Variants in PEX5L observed in about 807,000 individuals in gnomAD.
PEX5L encodes the protein PEX5-related protein.
Under a neutral mutation model 84.0 loss-of-function variants are expected in PEX5L, and 30 were observed. That is an observed-to-expected ratio of 0.36 (90% CI 0.27 to 0.48). PEX5L has a LOEUF of 0.48. Among genes scored for constraint, PEX5L ranks in the 20% least tolerant of loss-of-function variants. The pLI is 0.99. For synonymous variants in PEX5L, 270 were observed against 283.1 expected (o/e 0.95, Z 0.46); for missense variants, 533 against 754.6 (o/e 0.71, Z 3.44).
intron 7 of PEX5L, among the ~76,000 whole-genome samples, chr3:179,865,887 T>C (rs570364561): frequency 1.6e-4 from 25 of 152,330 alleles, no homozygotes; most frequent in Non-Finnish European, 3.2e-4. Context: ...ATTGGCATTA[T>C]GTGTATATAG....
intron 2 of PEX5L, among the ~76,000 whole-genome samples, chr3:179,961,923 A>G (rs2110109055): frequency 6.6e-6 from 1 of 152,344 alleles, no homozygotes; most frequent in East Asian, 1.9e-4. Context: ...GAGATGATAA[A>G]CTGAACCAGG....
At position 179,801,361 on chromosome 3, in the gene PEX5L, T is replaced by C. The variant is rs1356400596; in HGVS notation, c.*467A>G. 2 of 159,714 alleles carry C rather than the reference T, an allele frequency of 1.3e-5. No individual in the cohort carries two copies. Among genetic ancestry groups the C allele is most frequent in the East Asian group, 1.8e-4 (1 of 5,696 alleles). 9.9% of individuals were successfully genotyped at this position (159,714 alleles called of 1,614,324 possible). On this transcript the variant is annotated 3_prime_UTR_variant, in exon 15 of 15. Transcript: ENST00000467460. ...CTGTCTTTAGTCACAAGTTAATATA[T>C]GTGCATGCACCAATGGCCCAAACTA...
intron 1 of PEX5L, among the ~76,000 whole-genome samples, chr3:180,027,372 CA>C (rs1280469081): frequency 1.3e-5 from 2 of 152,172 alleles, no homozygotes; most frequent in Non-Finnish European, 2.9e-5. Context: ...CTTAAGCTTA[CA>C]GAAAAATTAC....
At position 179,878,861 on chromosome 3, in the gene PEX5L, A is replaced by G. The variant is rs1457201877; in HGVS notation, c.505+1068T>C. 9.2e-5 allele frequency among the ~76,000 whole-genome samples: 14 copies of G among 152,182 alleles called. 1 individual carries two copies. Among genetic ancestry groups the G allele is most frequent in the Admixed American group, 9.2e-4 (14 of 15,280 alleles). On this transcript the variant is annotated intron_variant, in intron 5 of 14. Coordinates refer to ENST00000467460, the MANE Select transcript of PEX5L (RefSeq NM_016559.3). ...TTAATCATTTTTCTATCTCCCTACTAGACTGTAAATTTGCTAAGGCACAGA... is the reference window on the plus strand; with the variant it reads ...TTAATCATTTTTCTATCTCCCTACTGGACTGTAAATTTGCTAAGGCACAGA...
Position 179,912,686 on chromosome 3 carries a change from C to A in PEX5L, c.94-14440G>T, listed in dbSNP as rs528122278. 8.5e-5 allele frequency among the ~76,000 whole-genome samples: 13 copies of A among 152,138 alleles called. No individual in the cohort carries two copies. The South Asian group carries it at 2.7e-3, about 32-fold the overall frequency. On this transcript the variant is annotated intron_variant, in intron 2 of 14. Coordinates refer to ENST00000467460, the MANE Select transcript of PEX5L (RefSeq NM_016559.3). ...TTAGAATTGGTCGAATCTCCACTCC[C>A]CTATTAACAATATCACAATATTTTC...
Position 179,801,783 on chromosome 3 carries a change from C to T in PEX5L, c.*45G>A, listed in dbSNP as rs751442481. On this transcript the variant is annotated 3_prime_UTR_variant, in exon 15 of 15. Transcript: ENST00000467460. ...TAAAATAGTTTTTGATTTTTCAGTA[C>T]AATCACACAGATCAGGGATTATTAG... 1.2e-5 allele frequency: 14 copies of T among 1,208,264 alleles called. No individual in the cohort carries two copies. The highest frequency in any genetic ancestry group is 2.0e-4 in the Middle Eastern group (1 of 4,946). The allele number at this position is 1,208,264 out of a possible 1,614,324, so 74.8% of individuals were successfully genotyped here.
chr3:179,968,632 C>A (rs896677995), intron 2 of PEX5L, among the ~76,000 whole-genome samples: 1 of 151,626 alleles, frequency 6.6e-6, no homozygotes, highest in Non-Finnish European at 1.5e-5. Context: ...AGTTTGAAAA[C>A]CTTGGAGATT....
chr3:179,954,191 A>C (rs1779872138), intron 2 of PEX5L, among the ~76,000 whole-genome samples: 1 of 83,840 alleles, frequency 1.2e-5, no homozygotes, highest in Non-Finnish European at 2.3e-5. Flanking sequence ...AAGCCCAGAA[A>C]TTAACCATTA....
In PEX5L at chr3:179,990,368, C is replaced by G. The variant is rs974684785; in HGVS notation, c.22-18703G>C. Among the ~76,000 whole-genome samples the G allele has an allele frequency of 3.3e-5, 5 of 151,898 alleles. No homozygotes were observed. The East Asian group carries it at 9.7e-4, about 29-fold the overall frequency. ...AACATGAAATTCCTTTCATTAGCTC[C>G]TATTTCTCCTCACGGTATGTCATTC... On this transcript the variant is annotated intron_variant, in intron 1 of 14. Coordinates refer to ENST00000467460, the MANE Select transcript of PEX5L (RefSeq NM_016559.3).
intron 14 of PEX5L, among the ~76,000 whole-genome samples, chr3:179,803,607 G>A (rs891361365): frequency 6.6e-6 from 1 of 152,162 alleles, no homozygotes; most frequent in African/African-American, 2.4e-5. Flanking sequence ...CTGACACACT[G>A]ATCCTTCCGA....
At position 180,036,847 on chromosome 3, in the gene PEX5L, G is replaced by A. The variant is rs1791951020; in HGVS notation, c.-248C>T. On this transcript the variant is annotated 5_prime_UTR_variant, in exon 1 of 15. Transcript: ENST00000467460. ...GAGCGCGCAGAGAAGGCGAGGAGCC[G>A]GGTCGGCCAGGCTCTCCTGCAGGCG... 5.4e-6 allele frequency: 3 copies of A among 559,424 alleles called. No individual in the cohort carries two copies. The highest frequency in any genetic ancestry group is 1.9e-5 in the African/African-American group (1 of 53,148). 34.7% of individuals were successfully genotyped at this position (559,424 alleles called of 1,614,324 possible).
intron 7 of PEX5L, among the ~76,000 whole-genome samples, chr3:179,869,670 T>G (rs761605764): frequency 6.6e-6 from 1 of 152,172 alleles, no homozygotes; most frequent in Non-Finnish European, 1.5e-5. Context: ...GGACTTTCTC[T>G]GAAGTTCCCA....
At chr3:179,895,601 T>C (rs1450397446) in intron 3 of PEX5L, 1 of 152,172 alleles carries the variant, frequency 6.6e-6, no homozygotes, top group Non-Finnish European at 1.5e-5. Context: ...TCAGGTCACC[T>C]GGCCAACACT....
chr3:179,926,584 A>G (rs1489678817), intron 2 of PEX5L, among the ~76,000 whole-genome samples: 2 of 152,182 alleles, frequency 1.3e-5, no homozygotes, highest in African/African-American at 4.8e-5. Flanking sequence ...TTCTGTTCAA[A>G]GTCCCTCCAT....
chr3:179,969,431 T>C (rs554596063), intron 2 of PEX5L, among the ~76,000 whole-genome samples: 1 of 152,186 alleles, frequency 6.6e-6, no homozygotes, highest in South Asian at 2.1e-4. Flanking sequence ...GATGAGGCAA[T>C]ATTCATTTTC....
At chr3:179,819,837 T>C (rs778268479) in intron 9 of PEX5L, 23 bp downstream of exon 9, 1 of 1,608,302 alleles carries the variant, frequency 6.2e-7, no homozygotes, top group Non-Finnish European at 8.5e-7. Context: ...GTAGTCAGCA[T>C]GTATAGGAAC....
chr3:179,970,006 C>T (rs1306958306), intron 2 of PEX5L, among the ~76,000 whole-genome samples: 1 of 151,946 alleles, frequency 6.6e-6, no homozygotes, highest in Non-Finnish European at 1.5e-5. Context: ...ACAATGGCTT[C>T]CTTTGGCTTT....
At chr3:179,933,598 A>G (rs926726956) in intron 2 of PEX5L, among the ~76,000 whole-genome samples, 7 of 152,212 alleles carry the variant, frequency 4.6e-5, no homozygotes, top group African/African-American at 1.7e-4. Context: ...TGGAATTTTA[A>G]CTGTTCTGGG....
chr3:179,849,340 A>G (rs966362582), intron 8 of PEX5L, among the ~76,000 whole-genome samples: 5 of 152,242 alleles, frequency 3.3e-5, no homozygotes, highest in African/African-American at 9.6e-5. Flanking sequence ...ATTTTTAAAT[A>G]TATATGAAAA....
Sources: allele counts gnomAD v4.1 joint callset (sites outside exome capture counted in the v4.1 genomes callset), GRCh38; gene constraint gnomAD v4.1.1; transcripts MANE v1.5; gene names NCBI Gene and HGNC (gene_info 2026-07-23, HGNC 2026-07-21).